The following CNTNAP5 variants were observed in gnomAD, a reference collection of about 807,000 sequenced individuals.
CNTNAP5 encodes the protein contactin-associated protein-like 5.
Under a neutral mutation model 150.2 loss-of-function variants are expected in CNTNAP5, and 72 were observed. The observed-to-expected ratio is 0.48, with a 90% confidence interval of 0.40 to 0.58. The LOEUF is 0.58. CNTNAP5 is among the 20% of genes least tolerant of loss of function. The pLI is 0.00. For synonymous variants in CNTNAP5, 672 were observed against 619.8 expected (o/e 1.08, Z -1.25); for missense variants, 1,636 against 1,626.2 (o/e 1.01, Z -0.10).
intron 1 of CNTNAP5, among the ~76,000 whole-genome samples, chr2:124,150,978 A>G (rs939578425): frequency 1.3e-5 from 2 of 152,176 alleles, no homozygotes; most frequent in Non-Finnish European, 2.9e-5. Context: ...CACCTACTAC[A>G]TATCTATGGG....
Position 124,410,778 on chromosome 2 carries a change from G to A in CNTNAP5, c.382-6665G>A, listed in dbSNP as rs1691735032. Among the ~76,000 whole-genome samples, 2 of 150,554 alleles carry A rather than the reference G, an allele frequency of 1.3e-5. 1 individual carries two copies. The highest frequency in any genetic ancestry group is 3.0e-5 in the Non-Finnish European group (2 of 67,404). On this transcript the variant is annotated intron_variant, in intron 3 of 23. Coordinates refer to ENST00000682447, the MANE Select transcript of CNTNAP5 (RefSeq NM_001367498.1). ...ACTAAATGCCCACAAGAGAAAGCAG[G>A]AAAGATCCAAAATTGACACCCTAAC... is the stretch of plus-strand genomic sequence containing the variant.
intron 3 of CNTNAP5, among the ~76,000 whole-genome samples, chr2:124,376,558 T>A (rs758710412): frequency 6.6e-6 from 1 of 151,986 alleles, no homozygotes; most frequent in Non-Finnish European, 1.5e-5. Flanking sequence ...TTACTATATG[T>A]ACCGTGTGTG....
intron 14 of CNTNAP5, among the ~76,000 whole-genome samples, chr2:124,753,416 G>A (rs1680772092): frequency 6.6e-6 from 1 of 152,162 alleles, no homozygotes; most frequent in Admixed American, 6.6e-5. Flanking sequence ...TTTTTAGATA[G>A]GTCAGGCCAT....
At chr2:124,062,753 C>A (rs947419436) in intron 1 of CNTNAP5, among the ~76,000 whole-genome samples, 1 of 152,082 alleles carries the variant, frequency 6.6e-6, no homozygotes, top group Non-Finnish European at 1.5e-5. Context: ...TCCTATCAGT[C>A]GAGGCCGTGA....
intron 21 of CNTNAP5, among the ~76,000 whole-genome samples, chr2:124,881,013 G>A (rs927197513): frequency 2.0e-5 from 3 of 152,098 alleles, no homozygotes; most frequent in Non-Finnish European, 2.9e-5. Flanking sequence ...CAGTAAATAG[G>A]CCATCTGAGA....
intron 6 of CNTNAP5, among the ~76,000 whole-genome samples, chr2:124,456,495 A>G (rs1183425200): frequency 6.6e-6 from 1 of 152,212 alleles, no homozygotes; most frequent in Non-Finnish European, 1.5e-5. Context: ...CATAATTGCC[A>G]AAGTGACATA....
chr2:124,774,202 TTTTG>T (rs199723475), intron 17 of CNTNAP5, among the ~76,000 whole-genome samples: 77 of 152,140 alleles, frequency 5.1e-4, no homozygotes, highest in African/African-American at 1.8e-3. Flanking sequence ...TTGTTTCCTT[TTTTG>T]TTTATTTATT....
At chr2:124,175,508 G>A (rs1302049277) in intron 1 of CNTNAP5, among the ~76,000 whole-genome samples, 1 of 151,958 alleles carries the variant, frequency 6.6e-6, no homozygotes, top group Non-Finnish European at 1.5e-5. Flanking sequence ...TATATTGCAC[G>A]ATACTTAGGT....
intron 3 of CNTNAP5, among the ~76,000 whole-genome samples, chr2:124,330,549 G>T (rs1689325259): frequency 1.3e-5 from 2 of 152,168 alleles, no homozygotes; most frequent in African/African-American, 4.8e-5. Flanking sequence ...GGCTCTTCCT[G>T]CTTCACTTAG....
At chr2:124,399,948 C>T (rs1691362519) in intron 3 of CNTNAP5, among the ~76,000 whole-genome samples, 1 of 152,112 alleles carries the variant, frequency 6.6e-6, no homozygotes, top group African/African-American at 2.4e-5. Context: ...ATACCAGTTT[C>T]CTCTTAAACT....
chr2:124,461,607 G>A (rs1318817800), intron 6 of CNTNAP5, among the ~76,000 whole-genome samples: 2 of 151,604 alleles, frequency 1.3e-5, no homozygotes, highest in Non-Finnish European at 2.9e-5. Context: ...CAGCACACCA[G>A]CATGGCACAT....
intron 1 of CNTNAP5, among the ~76,000 whole-genome samples, chr2:124,190,553 T>C (rs1479649355): frequency 6.6e-6 from 1 of 152,116 alleles, no homozygotes; most frequent in Non-Finnish European, 1.5e-5. Flanking sequence ...TTTCAATTAA[T>C]TAAAAATTTA....
chr2:124,532,257 T>C (rs1191942824), intron 10 of CNTNAP5, among the ~76,000 whole-genome samples: 2 of 152,220 alleles, frequency 1.3e-5, no homozygotes, highest in African/African-American at 4.8e-5. Context: ...TCAACCAGAT[T>C]GAATTTTTAA....
chr2:124,723,362 C>T (rs1312137279), intron 13 of CNTNAP5, among the ~76,000 whole-genome samples: 20 of 152,174 alleles, frequency 1.3e-4, no homozygotes, highest in Admixed American at 1.3e-3. Context: ...TGCTCCTCAT[C>T]TCTGTCTGAG....
At chr2:124,823,913 T>A (rs534859123) in intron 19 of CNTNAP5, among the ~76,000 whole-genome samples, 3 of 149,212 alleles carry the variant, frequency 2.0e-5, no homozygotes, top group East Asian at 2.0e-4. Flanking sequence ...CAGTTCTGAT[T>A]TTTTTTTTCT....
At chr2:124,228,907 A>G (rs1337134002) in intron 2 of CNTNAP5, among the ~76,000 whole-genome samples, 1 of 152,168 alleles carries the variant, frequency 6.6e-6, no homozygotes, top group Non-Finnish European at 1.5e-5. Context: ...AATGTCCTCA[A>G]TAATATCCTT....
intron 3 of CNTNAP5, among the ~76,000 whole-genome samples, chr2:124,328,144 T>A (rs1689266803): frequency 6.6e-6 from 1 of 152,128 alleles, no homozygotes; most frequent in Non-Finnish European, 1.5e-5. Context: ...ACAACACATT[T>A]TTTTTTTTGA....
chr2:124,025,647 G>A lies in CNTNAP5; in HGVS notation c.-4G>A, dbSNP rs745418319. The A allele has an allele frequency of 1.1e-5, 17 of 1,613,684 alleles. No homozygotes were observed. In the Middle Eastern group the frequency reaches 4.9e-4, roughly 47 times the overall value. On this transcript the variant is annotated 5_prime_UTR_variant, in exon 1 of 24. Coordinates refer to ENST00000682447, the MANE Select transcript of CNTNAP5 (RefSeq NM_001367498.1). ...GATTGGGAGGGACCGCTCACTCGGG[G>A]GAAATGGATTCTTTACCACGGCTGA... is the stretch of plus-strand genomic sequence containing the variant.
At chr2:124,167,911 A>G (rs1684843613) in intron 1 of CNTNAP5, among the ~76,000 whole-genome samples, 1 of 152,170 alleles carries the variant, frequency 6.6e-6, no homozygotes, top group Admixed American at 6.6e-5. Flanking sequence ...GTACCAGAGG[A>G]GACAGAAGGA....
Sources: gnomAD v4.1 joint callset for allele counts (sites outside exome capture counted in the v4.1 genomes callset) on GRCh38, gnomAD v4.1.1 for gene constraint, MANE v1.5 for transcripts, NCBI Gene and HGNC (gene_info 2026-07-23, HGNC 2026-07-21) for gene names.